UBE3D: variants seen among roughly 807,000 people sequenced by gnomAD.
UBE3D encodes ubiquitin protein ligase E3D, also known as E3 ubiquitin-protein ligase E3D.
In UBE3D, 48 loss-of-function variants were observed where a neutral mutation model predicts 49.6. The ratio of observed to expected loss-of-function variants is 0.97; its 90% CI spans 0.77 to 1.23. The LOEUF (loss-of-function observed/expected upper bound fraction) is 1.23. Ranked by LOEUF, UBE3D falls within the 50% of genes most tolerant of loss-of-function variation. UBE3D has a pLI of 0.00. For missense variants in UBE3D, 452 were observed against 468.4 expected, an observed-to-expected ratio of 0.96 and a Z score of 0.32; for synonymous variants, 189 against 174.2, an observed-to-expected ratio of 1.08 and a Z score of -0.67.
chr6:82,884,056 TCTAGCCC>T, the UBE3D span, among the ~76,000 whole-genome samples: 3 of 152,196 alleles, frequency 2.0e-5, no homozygotes, highest in East Asian at 5.8e-4. Flanking sequence ...TGTTTTCAAG[TCTAGCCC>T]CTGGGCTGGG....
At chr6:82,939,919 G>C (rs1774883437) in intron 9 of UBE3D, among the ~76,000 whole-genome samples, 1 of 152,084 alleles carries the variant, frequency 6.6e-6, no homozygotes, top group Admixed American at 6.5e-5. Flanking sequence ...TAAAGCAAAG[G>C]GCAGAGCATC....
intron 8 of UBE3D, among the ~76,000 whole-genome samples, chr6:82,958,208 C>T (rs914297515): frequency 5.9e-5 from 9 of 152,062 alleles, no homozygotes; most frequent in African/African-American, 2.2e-4. Flanking sequence ...ATCCTGGCTT[C>T]CTGGCTCCTC....
chr6:82,949,676 A>G (rs1775649997), intron 9 of UBE3D, among the ~76,000 whole-genome samples: 1 of 152,120 alleles, frequency 6.6e-6, no homozygotes, highest in Non-Finnish European at 1.5e-5. Flanking sequence ...ACACAGACCA[A>G]TGGAATATAA....
chr6:83,051,600 C>G (rs1462992672), intron 3 of UBE3D, among the ~76,000 whole-genome samples: 1 of 152,168 alleles, frequency 6.6e-6, no homozygotes, highest in Non-Finnish European at 1.5e-5. Context: ...GAAACTTCTT[C>G]TGAGAATTCA....
chr6:83,034,428 T>A (rs773751197), intron 5 of UBE3D, among the ~76,000 whole-genome samples: 2 of 152,200 alleles, frequency 1.3e-5, no homozygotes, highest in African/African-American at 4.8e-5. Context: ...TCTTTCCATA[T>A]AATGAAATGG....
chr6:83,042,398 ATGTT>A (rs572914642), intron 4 of UBE3D, among the ~76,000 whole-genome samples: 8 of 152,358 alleles, frequency 5.3e-5, no homozygotes, highest in South Asian at 2.1e-4. Context: ...GTTGGGCTTC[ATGTT>A]TGTTTGTGCT....
chr6:82,927,006 A>G (rs993681497), intron 9 of UBE3D, among the ~76,000 whole-genome samples: 2 of 152,126 alleles, frequency 1.3e-5, no homozygotes, highest in Admixed American at 1.3e-4. Context: ...TCTGTGATCC[A>G]TTCTGAACTG....
chr6:82,935,453 T>C (rs1247904469), intron 9 of UBE3D, among the ~76,000 whole-genome samples: 1 of 152,036 alleles, frequency 6.6e-6, no homozygotes, highest in African/African-American at 2.4e-5. Flanking sequence ...ATCACCAATA[T>C]ATGTCTAATA....
chr6:82,924,169 T>C (rs1773572957), intron 9 of UBE3D, among the ~76,000 whole-genome samples: 1 of 151,962 alleles, frequency 6.6e-6, no homozygotes, highest in Non-Finnish European at 1.5e-5. Flanking sequence ...TTCTAACTTA[T>C]TAAAAAATAT....
intron 8 of UBE3D, among the ~76,000 whole-genome samples, chr6:83,010,189 T>G (rs4339423): frequency 0.65 from 98,644 of 151,926 alleles, 32,937 homozygotes; most frequent in East Asian, 0.78. Flanking sequence ...GTATTAAAAT[T>G]TTAAGGTTAA....
chr6:82,893,233 C>G (rs945606070), intron 9 of UBE3D, among the ~76,000 whole-genome samples, 191 bp from the exon 10 acceptor site: 4 of 151,814 alleles, frequency 2.6e-5, no homozygotes, highest in African/African-American at 9.7e-5. Context: ...TTTAATGAAC[C>G]ATATAGTAAT....
At chr6:83,044,026 G>A (rs1363679380) in intron 4 of UBE3D, among the ~76,000 whole-genome samples, 2 of 152,150 alleles carry the variant, frequency 1.3e-5, no homozygotes, top group Non-Finnish European at 2.9e-5. Flanking sequence ...ACTATGGGCA[G>A]AAATAGTAAA....
At chr6:83,032,079 C>T (rs1448688489) in intron 5 of UBE3D, among the ~76,000 whole-genome samples, 1 of 152,200 alleles carries the variant, frequency 6.6e-6, no homozygotes, top group East Asian at 1.9e-4. Context: ...TGGGAGCTCC[C>T]ATGTAGAGTC....
chr6:83,023,991 T>C lies in UBE3D; in HGVS notation c.715A>G (p.Arg239Gly), dbSNP rs752727718. The change falls in exon 6 of 10, where the codon AGG becomes GGG. Residue 239 changes from arginine (R) to glycine (G), a missense_variant. Coordinates refer to ENST00000369747, the MANE Select transcript of UBE3D (RefSeq NM_198920.3). ...MTEIIIQSSE[R>G]SFPIIPRSWF... ...TACCTTGGTATGATAGGAAAACTCC[T>C]CTCAGATGACTGAATAATTATCTCT... is the stretch of plus-strand genomic sequence containing the variant. 2.0e-6 allele frequency: 3 copies of C among 1,536,758 alleles called. No individual in the cohort carries two copies. In the East Asian group the frequency reaches 7.1e-5, roughly 37 times the overall value.
At chr6:83,017,477 A>G (rs1024919476) in intron 8 of UBE3D, 4 of 152,142 alleles carry the variant, frequency 2.6e-5, no homozygotes, top group Non-Finnish European at 5.9e-5. Context: ...ACAAAAAAAA[A>G]CCCAAGCCCT....
chr6:82,887,150 C>CA, the UBE3D span, among the ~76,000 whole-genome samples: 18 of 138,876 alleles, frequency 1.3e-4, no homozygotes, highest in East Asian at 1.0e-3. Context: ...CTAAAAATAC[C>CA]AAAAAAAATA....
intron 9 of UBE3D, among the ~76,000 whole-genome samples, chr6:82,943,553 T>C (rs898621619): frequency 2.6e-5 from 4 of 152,064 alleles, no homozygotes; most frequent in African/African-American, 4.8e-5. Context: ...GGAGGACTGC[T>C]TGGGCCCAGA....
intron 4 of UBE3D, among the ~76,000 whole-genome samples, chr6:83,042,747 A>C (rs1782761489): frequency 6.6e-6 from 1 of 152,182 alleles, no homozygotes; most frequent in Non-Finnish European, 1.5e-5. Flanking sequence ...GTTTCCCAAG[A>C]GATACCATTA....
chr6:83,030,087 A>G (rs755511127), intron 5 of UBE3D, among the ~76,000 whole-genome samples: 1 of 152,198 alleles, frequency 6.6e-6, no homozygotes, highest in Non-Finnish European at 1.5e-5. Flanking sequence ...GTGTGTATGC[A>G]GAGTTTAGCA....
Sources: allele counts gnomAD v4.1 joint callset (sites outside exome capture counted in the v4.1 genomes callset), GRCh38; gene constraint gnomAD v4.1.1; transcripts MANE v1.5; gene names NCBI Gene and HGNC (gene_info 2026-07-23, HGNC 2026-07-21).